Variants in VTA1 observed in about 807,000 individuals in gnomAD.
The protein encoded by VTA1 is vacuolar protein sorting-associated protein VTA1 homolog.
A neutral mutation model predicts 36.9 loss-of-function variants in VTA1; 24 were observed. The ratio of observed to expected loss-of-function variants is 0.65; its 90% CI spans 0.47 to 0.91. The LOEUF is 0.91. VTA1 is among the 40% of genes least tolerant of loss of function. The pLI, the probability that VTA1 is intolerant of heterozygous loss-of-function variation, is 0.00. For missense variants in VTA1, 393 were observed against 377.2 expected, an observed-to-expected ratio of 1.04 and a Z score of -0.35; for synonymous variants, 142 against 130.2, an observed-to-expected ratio of 1.09 and a Z score of -0.62.
chr6:142,147,296 G>T lies in VTA1; in HGVS notation c.9G>T (p.Ala3=), dbSNP rs754408069. MA[A]LAPLPPLPAQ... is the part of the protein sequence containing the mutation. ...GTGAGTTCGGAGTAGAGATGGCCGCGCTTGCACCGCTGCCCCCGCTCCCCG... is the reference window on the plus strand; with the variant it reads ...GTGAGTTCGGAGTAGAGATGGCCGCTCTTGCACCGCTGCCCCCGCTCCCCG... Residue 3 remains alanine, a synonymous_variant, in exon 1 of 8, where the codon GCG becomes GCT. Coordinates refer to ENST00000367630, the MANE Select transcript of VTA1 (RefSeq NM_016485.5). The T allele has an allele frequency of 1.2e-6, 2 of 1,614,078 alleles. No homozygotes were observed. Among genetic ancestry groups the T allele is most frequent in the African/African-American group, 1.3e-5 (1 of 74,944 alleles).
At chr6:142,173,942 C>T (rs925215118) in intron 4 of VTA1, among the ~76,000 whole-genome samples, 1 of 152,010 alleles carries the variant, frequency 6.6e-6, no homozygotes, top group Admixed American at 6.5e-5. Context: ...TTTTTTACCC[C>T]CTATCTCACT....
At chr6:142,187,971 A>C (rs1352874984) in intron 4 of VTA1, among the ~76,000 whole-genome samples, 1 of 138,520 alleles carries the variant, frequency 7.2e-6, no homozygotes, top group Non-Finnish European at 1.5e-5. Flanking sequence ...GCAGTGGCGC[A>C]GTCTTGGCTC....
rs1050650238 is a variant in VTA1 at position 142,224,477 on chromosome 6, A to C, written c.*5834A>C. ...TGACAAAATTACTATTGATCACTTA[A>C]CTTTATGTATCACGTAAGTTAAACT... On this transcript the variant is annotated 3_prime_UTR_variant, in exon 8 of 8. Transcript: ENST00000367630. The C allele has an allele frequency of 2.6e-5, 4 of 152,146 alleles. No individual in the cohort carries two copies. In the East Asian group the frequency reaches 7.7e-4, roughly 29 times the overall value. 9.4% of individuals were successfully genotyped at this position (152,146 alleles called of 1,614,324 possible). A position where few individuals can be genotyped will look rare whatever the true frequency, so the allele number is the denominator to read the frequency against.
chr6:142,175,807 CACTT>C (rs1377927392), intron 4 of VTA1, among the ~76,000 whole-genome samples: 1 of 151,852 alleles, frequency 6.6e-6, no homozygotes, highest in Non-Finnish European at 1.5e-5. Context: ...TGTCATTACT[CACTT>C]GTATAAAACT....
intron 7 of VTA1, among the ~76,000 whole-genome samples, chr6:142,212,531 G>A (rs940326151): frequency 6.6e-6 from 1 of 152,172 alleles, no homozygotes. Context: ...GGATGAATGA[G>A]TGGATCACAG....
chr6:142,188,760 AT>A (rs1177990493), intron 4 of VTA1, among the ~76,000 whole-genome samples: 25 of 152,300 alleles, frequency 1.6e-4, no homozygotes, highest in Admixed American at 1.2e-3. Context: ...TTTAATGCAA[AT>A]TTTTATCTTA....
chr6:142,165,632 ACAG>A (rs984895067), intron 1 of VTA1, among the ~76,000 whole-genome samples: 2 of 152,194 alleles, frequency 1.3e-5, no homozygotes, highest in African/African-American at 4.8e-5. Flanking sequence ...ATCAGTGGTA[ACAG>A]CAGTTACCAC....
At chr6:142,187,989 C>A (rs1174750348) in intron 4 of VTA1, among the ~76,000 whole-genome samples, 1 of 147,320 alleles carries the variant, frequency 6.8e-6, no homozygotes, top group Non-Finnish European at 1.5e-5. Context: ...CTCACTGCAA[C>A]CTCTGCCTCC....
Position 142,153,070 on chromosome 6 carries a change from G to A in VTA1, c.112+5671G>A, listed in dbSNP as rs569674433. ...CACATGTGTTATAATATAAACATCT[G>A]TTTATCTTTCAATCTTGATTCTCCT... On this transcript the variant is annotated intron_variant, in intron 1 of 7. Transcript: ENST00000367630. Among the ~76,000 whole-genome samples the A allele has an allele frequency of 2.6e-5, 4 of 152,092 alleles. No individual in the cohort carries two copies. In the East Asian group the frequency reaches 7.7e-4, roughly 29 times the overall value.
chr6:142,210,993 G>T (rs1775891892), intron 7 of VTA1, among the ~76,000 whole-genome samples: 1 of 152,062 alleles, frequency 6.6e-6, no homozygotes, highest in Non-Finnish European at 1.5e-5. Context: ...GCCAAAAAAA[G>T]GAAAAGAATT....
intron 1 of VTA1, among the ~76,000 whole-genome samples, chr6:142,158,233 A>C (rs1778700452): frequency 6.6e-6 from 1 of 152,166 alleles, no homozygotes; most frequent in South Asian, 2.1e-4. Flanking sequence ...CAATGTATAT[A>C]ACATTTGTGG....
intron 2 of VTA1, among the ~76,000 whole-genome samples, chr6:142,166,654 A>G (rs570674385): frequency 6.6e-6 from 1 of 151,004 alleles, no homozygotes; most frequent in South Asian, 2.1e-4. Context: ...TCACTCTGTC[A>G]CCCAGGCTGG....
chr6:142,195,707 C>T (rs1239113259), intron 5 of VTA1, among the ~76,000 whole-genome samples: 1 of 149,460 alleles, frequency 6.7e-6, no homozygotes, highest in Non-Finnish European at 1.5e-5. Context: ...TCCCTCTAAG[C>T]ATTGGTTTAG....
At chr6:142,198,165 A>T (rs10080623) in intron 5 of VTA1, among the ~76,000 whole-genome samples, 3 of 52,230 alleles carry the variant, frequency 5.7e-5, no homozygotes, top group Non-Finnish European at 1.9e-4. Context: ...GTGTGTGTGT[A>T]TATGTGTGTA....
intron 6 of VTA1, among the ~76,000 whole-genome samples, chr6:142,201,516 A>C (rs962062677): frequency 1.3e-5 from 2 of 152,004 alleles, no homozygotes; most frequent in Non-Finnish European, 2.9e-5. Context: ...TGTAGTTGAT[A>C]CAGTGTGTTT....
intron 7 of VTA1, among the ~76,000 whole-genome samples, chr6:142,208,387 G>A (rs1281180307): frequency 1.3e-5 from 2 of 151,896 alleles, no homozygotes; most frequent in Non-Finnish European, 2.9e-5. Context: ...AAAATACACA[G>A]TCAGAAGAAG....
At chr6:142,185,096 C>A (rs549180383) in intron 4 of VTA1, among the ~76,000 whole-genome samples, 5 of 152,004 alleles carry the variant, frequency 3.3e-5, no homozygotes, top group Admixed American at 6.6e-5. Flanking sequence ...CACATCTTAC[C>A]CATCTTGCAT....
chr6:142,206,212 G>A (rs1775787992), intron 7 of VTA1, among the ~76,000 whole-genome samples: 2 of 152,122 alleles, frequency 1.3e-5, no homozygotes, highest in Admixed American at 1.3e-4. Flanking sequence ...ATTGTAACTG[G>A]ATTGCAGTAT....
intron 4 of VTA1, among the ~76,000 whole-genome samples, chr6:142,177,371 G>A (rs1021488948): frequency 5.3e-5 from 8 of 152,174 alleles, no homozygotes; most frequent in Admixed American, 2.0e-4. Flanking sequence ...ATGTAAGCCT[G>A]TTTCAACATA....
Sources: allele counts gnomAD v4.1 joint callset (sites outside exome capture counted in the v4.1 genomes callset), GRCh38; gene constraint gnomAD v4.1.1; transcripts MANE v1.5; gene names NCBI Gene and HGNC (gene_info 2026-07-23, HGNC 2026-07-21).